The following CLMN variants were observed in gnomAD, a reference collection of about 807,000 sequenced individuals.
CLMN encodes the protein calmin (calponin-like, transmembrane).
CLMN carries 57 observed loss-of-function variants against 92.7 expected under a neutral mutation model. That is an observed-to-expected ratio of 0.61 (90% confidence interval 0.50 to 0.77). CLMN has a LOEUF of 0.77. CLMN is among the 30% of genes least tolerant of loss of function. CLMN has a pLI of 0.00. For missense variants in CLMN, 1,158 were observed against 1,237.5 expected (o/e 0.94, Z 0.96); for synonymous variants, 466 against 470.6 (o/e 0.99, Z 0.13).
In CLMN at chr14:95,245,205, ATAT is replaced by A. The variant is rs1432475239; in HGVS notation, c.83-15075_83-15073del. On this transcript the variant is annotated intron_variant, in intron 1 of 12. Coordinates refer to ENST00000298912, the MANE Select transcript of CLMN (RefSeq NM_024734.4). ...ATATATATATATATAATATATATAT[ATAT>A]TATATATATATATATATTATATATA... Among the ~76,000 whole-genome samples the A allele has an allele frequency of 7.6e-4, 18 of 23,806 alleles. 1 individual carries two copies. The highest frequency in any genetic ancestry group is 2.1e-3 in the Admixed American group (3 of 1,434). 15.6% of individuals were successfully genotyped at this position (23,806 alleles called of 152,430 possible).
chr14:95,193,932 T>A lies in CLMN; in HGVS notation c.2770-13A>T, dbSNP rs369911798. ...AGCTAAAATGATCCTACAGTGAAAT[T>A]TATAAACAAAAGCCCCCGCAACCCA... On this transcript the variant is annotated splice_polypyrimidine_tract_variant and intron_variant, in intron 11 of 12. Transcript: ENST00000298912. 1 of 1,612,102 alleles carries A rather than the reference T, an allele frequency of 6.2e-7. No individual in the cohort carries two copies. Among genetic ancestry groups the A allele is most frequent in the African/African-American group, 1.3e-5 (1 of 74,830 alleles).
intron 1 of CLMN, among the ~76,000 whole-genome samples, chr14:95,265,962 T>C (rs1008733621): frequency 2.6e-5 from 4 of 152,196 alleles, no homozygotes; most frequent in Admixed American, 1.3e-4. Flanking sequence ...CACGGGCCAC[T>C]GGAGAAGCCA....
chr14:95,272,253 G>T (rs1427293197), intron 1 of CLMN, among the ~76,000 whole-genome samples: 1 of 152,180 alleles, frequency 6.6e-6, no homozygotes, highest in East Asian at 1.9e-4. Flanking sequence ...GGAGGAGCCT[G>T]CCAGGAGGGT....
At chr14:95,198,139 TC>T (rs1896776469) in intron 9 of CLMN, among the ~76,000 whole-genome samples, 1 of 138,020 alleles carries the variant, frequency 7.2e-6, no homozygotes, top group Non-Finnish European at 1.5e-5. Flanking sequence ...AACCTCTACC[TC>T]CCAGGTTTAA....
chr14:95,247,904 A>AG (rs1009299235), intron 1 of CLMN, among the ~76,000 whole-genome samples: 3 of 152,054 alleles, frequency 2.0e-5, no homozygotes, highest in African/African-American at 7.2e-5. Context: ...GAGAGAGAAA[A>AG]AGAGAGAGAA....
intron 1 of CLMN, among the ~76,000 whole-genome samples, chr14:95,270,161 A>C (rs554808742): frequency 6.6e-6 from 1 of 152,328 alleles, no homozygotes; most frequent in Admixed American, 6.5e-5. Flanking sequence ...CTGCCTGCCA[A>C]GCTATGGTCC....
chr14:95,257,183 G>A (rs962333575), intron 1 of CLMN, among the ~76,000 whole-genome samples: 3 of 152,186 alleles, frequency 2.0e-5, no homozygotes, highest in African/African-American at 7.2e-5. Context: ...GAGTTAAGTC[G>A]GAGAAGGCAA....
intron 9 of CLMN, among the ~76,000 whole-genome samples, chr14:95,197,753 C>T (rs949013074): frequency 6.6e-6 from 1 of 152,138 alleles, no homozygotes; most frequent in Non-Finnish European, 1.5e-5. Context: ...GTTGGAGCCA[C>T]GTCTCAAGAA....
At position 95,202,932 on chromosome 14, in the gene CLMN, C is replaced by G. The variant is rs1481475366; in HGVS notation, c.2417G>C (p.Gly806Ala). ...AGCGGGTTCTGAGGCTGGTGTGGTA[C>G]CCACACCACCCCTGCTGAGATACAG... Reference protein sequence around the residue: ...QVLYLSRGGVGTTPASEPAPL... With the variant: ...QVLYLSRGGVATTPASEPAPL... Residue 806 changes from glycine to alanine, a missense_variant, in exon 9 of 13, where the codon GGT (glycine) becomes GCT (alanine). Transcript: ENST00000298912. The G allele has an allele frequency of 1.4e-5, 23 of 1,611,570 alleles. No individual in the cohort carries two copies. The highest frequency in any genetic ancestry group is 1.9e-5 in the Non-Finnish European group (22 of 1,178,938).
chr14:95,274,906 G>C (rs117501407), intron 1 of CLMN, among the ~76,000 whole-genome samples: 11 of 151,328 alleles, frequency 7.3e-5, no homozygotes, highest in East Asian at 1.9e-4. Flanking sequence ...TTGAACCCAG[G>C]GGGGCAGAGG....
At chr14:95,224,623 A>C (rs113108756) in intron 2 of CLMN, among the ~76,000 whole-genome samples, 4 of 152,110 alleles carry the variant, frequency 2.6e-5, no homozygotes, top group Non-Finnish European at 5.9e-5. Context: ...CTCAAAGAGG[A>C]TGAGTGATAG....
Position 95,194,664 on chromosome 14 carries a change from C to T in CLMN, c.2709-68G>A. ...TCTTCATGGCTCAGTTGTACGGTCA[C>T]CCCCATCCTGGGGTTTCCACGTATG... On this transcript the variant is annotated intron_variant, in intron 10 of 12. Coordinates refer to ENST00000298912, the MANE Select transcript of CLMN (RefSeq NM_024734.4). The surrounding 1 kb of genome is among the most constrained non-coding windows in gnomAD (Gnocchi z 4.0). 6.8e-7 allele frequency: 1 copy of T among 1,477,592 alleles called. No individual in the cohort carries two copies. Among genetic ancestry groups the T allele is most frequent in the Admixed American group, 1.7e-5 (1 of 59,798 alleles). 91.5% of individuals were successfully genotyped at this position (1,477,592 alleles called of 1,614,324 possible).
chr14:95,220,509 G>A (rs1028978180), intron 4 of CLMN, among the ~76,000 whole-genome samples: 7 of 152,186 alleles, frequency 4.6e-5, no homozygotes, highest in South Asian at 2.1e-4. Flanking sequence ...CCACTTGTCC[G>A]TGGGTGGACA....
chr14:95,317,944 G>C (rs1461214871), intron 1 of CLMN, among the ~76,000 whole-genome samples: 2 of 151,996 alleles, frequency 1.3e-5, no homozygotes, highest in Admixed American at 6.5e-5. Flanking sequence ...CAGTTCACTG[G>C]GAGCTGAGGG....
chr14:95,289,498 TAAATAAATAAAC>T (rs1228459125), intron 1 of CLMN, among the ~76,000 whole-genome samples: 2,147 of 126,500 alleles, frequency 0.017, 17 homozygotes, highest in East Asian at 0.021. Flanking sequence ...AATAAATAAA[TAAATAAATAAAC>T]AAACAAACAA....
Position 95,194,355 on chromosome 14 carries a change from C to A in CLMN, c.2769+181G>T. 1.4e-6 allele frequency: 2 copies of A among 1,442,806 alleles called. No individual in the cohort carries two copies. Among genetic ancestry groups the A allele is most frequent in the Non-Finnish European group, 9.1e-7 (1 of 1,099,032 alleles). The allele number at this position is 1,442,806 out of a possible 1,614,324, so 89.4% of individuals were successfully genotyped here. ...CTCACTTTATTTACATCTCTTATTG[C>A]CCAAACCGGATATCCGATCGGACTG... On this transcript the variant is annotated intron_variant, in intron 11 of 12. Coordinates refer to ENST00000298912, the MANE Select transcript of CLMN (RefSeq NM_024734.4). This position sits in a 1 kb window ranked among gnomAD's most constrained non-coding sequence, Gnocchi z 4.0.
Position 95,182,006 on chromosome 14 carries a change from C to T in CLMN, c.*9558G>A, listed in dbSNP as rs1896338335. 1.3e-5 allele frequency: 2 copies of T among 152,194 alleles called. No homozygotes were observed. The highest frequency in any genetic ancestry group is 2.9e-5 in the Non-Finnish European group (2 of 68,040). The allele number at this position is 152,194 out of a possible 1,614,324, so 9.4% of individuals were successfully genotyped here. On this transcript the variant is annotated 3_prime_UTR_variant, in exon 13 of 13. Transcript: ENST00000298912. ...CACATGATTTTACAAGATCATTCAT[C>T]ATAGCACCAAGCCTAATATTCCTTA...
intron 1 of CLMN, among the ~76,000 whole-genome samples, chr14:95,244,139 C>A (rs185767957): frequency 6.6e-6 from 1 of 152,262 alleles, no homozygotes; most frequent in African/African-American, 2.4e-5. Context: ...ATACAGCCTG[C>A]AGAACCATGA....
At chr14:95,237,787 C>T (rs866130177) in intron 1 of CLMN, among the ~76,000 whole-genome samples, 6 of 152,302 alleles carry the variant, frequency 3.9e-5, no homozygotes, top group South Asian at 4.1e-4. Flanking sequence ...TATAAGTGAC[C>T]TCCCGAGATG....
Sources: gnomAD v4.1 joint callset for allele counts (sites outside exome capture counted in the v4.1 genomes callset) on GRCh38, gnomAD v4.1.1 for gene constraint, Gnocchi (gnomAD v3.1) non-coding constraint, MANE v1.5 for transcripts, NCBI Gene and HGNC (gene_info 2026-07-23, HGNC 2026-07-21) for gene names.